CREB5: variants seen among roughly 807,000 people sequenced by gnomAD.
CREB5 encodes the protein cAMP responsive element binding protein 5, also known as cyclic AMP-responsive element-binding protein 5.
Under a neutral mutation model 57.1 loss-of-function variants are expected in CREB5, and 19 were observed. The ratio of observed to expected loss-of-function variants is 0.33; its 90% CI spans 0.23 to 0.49. The LOEUF (loss-of-function observed/expected upper bound fraction) is 0.49. CREB5 is among the 20% of genes least tolerant of loss of function. CREB5 has a pLI of 0.99. For synonymous variants in CREB5, 238 were observed against 238.3 expected, an observed-to-expected ratio of 1.00 and a Z score of 0.01; for missense variants, 579 against 671.6, an observed-to-expected ratio of 0.86 and a Z score of 1.52.
At chr7:28,459,160 A>G (rs779639361) in intron 1 of CREB5, among the ~76,000 whole-genome samples, 81 of 151,978 alleles carry the variant, frequency 5.3e-4, no homozygotes, top group Middle Eastern at 3.2e-3. Flanking sequence ...GAGAAATTCA[A>G]CCTGAGTGGT....
At chr7:28,416,256 T>A (rs566462384) in intron 1 of CREB5, among the ~76,000 whole-genome samples, 1 of 152,212 alleles carries the variant, frequency 6.6e-6, no homozygotes, top group South Asian at 2.1e-4. Context: ...GTTGCAGGCA[T>A]GATTTCTCCA....
chr7:28,809,247 G>C lies in CREB5; in HGVS notation c.1087G>C (p.Gly363Arg). 6.2e-7 allele frequency: 1 copy of C among 1,614,096 alleles called. No individual in the cohort carries two copies. The highest frequency in any genetic ancestry group is 8.5e-7 in the Non-Finnish European group (1 of 1,180,006). ...TQTIQPPQPT[G>R]GRRRRVVDED... ...GACAATACAGCCACCCCAGCCCACA[G>C]GGGGGCGCCGGCGAAGGGTGGTAGA... Residue 363 changes from glycine to arginine, a missense_variant, in exon 9 of 11, where the codon GGG (glycine) becomes CGG (arginine). Gly to Arg is a moderately radical substitution (Grantham distance 125). Transcript: ENST00000357727.
chr7:28,465,488 A>C (rs555911272), intron 1 of CREB5, among the ~76,000 whole-genome samples: 2 of 152,358 alleles, frequency 1.3e-5, no homozygotes, highest in East Asian at 1.9e-4. Flanking sequence ...AATTCCACGC[A>C]GTGCAGAGAC....
At chr7:28,664,532 G>T (rs1345641822) in intron 5 of CREB5, among the ~76,000 whole-genome samples, 1 of 151,368 alleles carries the variant, frequency 6.6e-6, no homozygotes, top group Non-Finnish European at 1.5e-5. Context: ...GACTTCTCTT[G>T]TGCCTACCGT....
chr7:28,520,924 AT>A (rs1233635860), intron 4 of CREB5, among the ~76,000 whole-genome samples: 3 of 152,190 alleles, frequency 2.0e-5, no homozygotes, highest in Non-Finnish European at 4.4e-5. Flanking sequence ...CCATATGCTG[AT>A]TTTTTTGCAT....
At chr7:28,461,187 G>A (rs540628311) in intron 1 of CREB5, among the ~76,000 whole-genome samples, 8 of 151,284 alleles carry the variant, frequency 5.3e-5, no homozygotes, top group Middle Eastern at 3.4e-3. Context: ...CTGTGATGGC[G>A]CCACTGCATT....
intron 1 of CREB5, among the ~76,000 whole-genome samples, chr7:28,424,748 A>C (rs1257809278): frequency 6.6e-6 from 1 of 152,224 alleles, no homozygotes; most frequent in African/African-American, 2.4e-5. Context: ...ATGTGCTAAC[A>C]TTTACTGACA....
At chr7:28,782,445 G>A (rs896986628) in intron 7 of CREB5, among the ~76,000 whole-genome samples, 1 of 152,136 alleles carries the variant, frequency 6.6e-6, no homozygotes, top group Non-Finnish European at 1.5e-5. Context: ...GATAAAATAA[G>A]TCAGTTTTAA....
intron 5 of CREB5, among the ~76,000 whole-genome samples, chr7:28,677,706 G>C (rs1400944793): frequency 2.6e-5 from 4 of 152,076 alleles, no homozygotes; most frequent in Non-Finnish European, 4.4e-5. Context: ...AGTTTGGGTG[G>C]GTGCTAAAAG....
At chr7:28,520,269 A>G (rs938679940) in intron 4 of CREB5, among the ~76,000 whole-genome samples, 3 of 152,186 alleles carry the variant, frequency 2.0e-5, no homozygotes, top group African/African-American at 7.2e-5. Context: ...ACTTATGCCA[A>G]CTTCCTCCTT....
intron 1 of CREB5, among the ~76,000 whole-genome samples, chr7:28,391,982 T>A (rs1384280963): frequency 6.6e-6 from 1 of 152,154 alleles, no homozygotes; most frequent in Non-Finnish European, 1.5e-5. Context: ...GGGACATGGA[T>A]GGAGCTGGAG....
intron 7 of CREB5, among the ~76,000 whole-genome samples, chr7:28,798,587 G>C (rs1363197132): frequency 6.6e-6 from 1 of 152,240 alleles, no homozygotes; most frequent in African/African-American, 2.4e-5. Context: ...TCCTTACCAA[G>C]AACCCGGCAG....
chr7:28,656,143 A>C (rs1411885160), intron 5 of CREB5, among the ~76,000 whole-genome samples: 1 of 152,256 alleles, frequency 6.6e-6, no homozygotes, highest in Non-Finnish European at 1.5e-5. Flanking sequence ...TGGACTGGTC[A>C]CATAACAACA....
At chr7:28,731,592 AAGG>A (rs1229214174) in intron 7 of CREB5, among the ~76,000 whole-genome samples, 1 of 152,232 alleles carries the variant, frequency 6.6e-6, no homozygotes, top group African/African-American at 2.4e-5. Flanking sequence ...TGAATGGAAG[AAGG>A]AGAATTAGAA....
intron 5 of CREB5, among the ~76,000 whole-genome samples, chr7:28,672,215 A>AC (rs1491194022): frequency 3.3e-5 from 5 of 151,768 alleles, no homozygotes; most frequent in Non-Finnish European, 7.4e-5. Context: ...ACACACACAC[A>AC]AACACTGGAC....
At chr7:28,488,313 C>T in intron 2 of CREB5, 67 bp downstream of exon 2, 1 of 1,456,520 alleles carries the variant, frequency 6.9e-7, no homozygotes, top group Non-Finnish European at 9.6e-7. Context: ...GCAACTCTCA[C>T]CCGGCAATCA....
chr7:28,415,392 T>A (rs1787986843), intron 1 of CREB5, among the ~76,000 whole-genome samples: 1 of 152,190 alleles, frequency 6.6e-6, no homozygotes, highest in African/African-American at 2.4e-5. Context: ...GCTCCTGCCA[T>A]AAATGCCCTT....
chr7:28,560,973 C>CGTGTGT lies in CREB5; in HGVS notation c.292-9390_292-9385dup, dbSNP rs1201099608. ...GTGCGTGTGTGTGCGTGTGTGTGTG[C>CGTGTGT]GTGTGTGCGTGCGTGTGTGTGCCTG... On this transcript the variant is annotated intron_variant, in intron 4 of 10. Transcript: ENST00000357727. Among the ~76,000 whole-genome samples the CGTGTGT allele has an allele frequency of 9.5e-3, 302 of 31,716 alleles. 45 individuals are homozygous for CGTGTGT. The highest frequency in any genetic ancestry group is 0.037 in the African/African-American group (294 of 7,974). The allele number at this position is 31,716 out of a possible 152,430, so 20.8% of individuals were successfully genotyped here.
intron 1 of CREB5, among the ~76,000 whole-genome samples, chr7:28,396,657 G>A (rs1787342227): frequency 6.6e-6 from 1 of 152,062 alleles, no homozygotes; most frequent in Non-Finnish European, 1.5e-5. Context: ...TTTTCTATAA[G>A]TTTCCTGTGT....
Sources: allele counts gnomAD v4.1 joint callset (sites outside exome capture counted in the v4.1 genomes callset), GRCh38; gene constraint gnomAD v4.1.1; transcripts MANE v1.5; gene names NCBI Gene and HGNC (gene_info 2026-07-23, HGNC 2026-07-21).